The following NTRK3 variants were observed in gnomAD, a reference collection of about 807,000 sequenced individuals.
NTRK3 encodes NT-3 growth factor receptor.
Under a neutral mutation model 91.7 loss-of-function variants are expected in NTRK3, and 24 were observed. The ratio of observed to expected loss-of-function variants is 0.26; its 90% CI spans 0.19 to 0.37. The LOEUF is 0.37. Ranked by LOEUF, NTRK3 falls within the 10% of genes least tolerant of loss-of-function variation. NTRK3 has a pLI of 1.00. For synonymous variants in NTRK3, 483 were observed against 404.0 expected (o/e 1.20, Z -2.34); for missense variants, 880 against 1,068.9 (o/e 0.82, Z 2.46).
At chr15:88,134,949 G>A (rs1197465251) in intron 10 of NTRK3, 152 bp downstream of exon 10, 11 of 908,506 alleles carry the variant, frequency 1.2e-5, no homozygotes, top group East Asian at 5.2e-5. Context: ...TACCAGATGC[G>A]GCTGGTGGTT....
At chr15:87,890,774 G>C (rs1195811236) in intron 17 of NTRK3, among the ~76,000 whole-genome samples, 4 of 152,040 alleles carry the variant, frequency 2.6e-5, no homozygotes, top group Non-Finnish European at 5.9e-5. Context: ...GGCTCATCTT[G>C]TATATTTCCC....
intron 13 of NTRK3, among the ~76,000 whole-genome samples, chr15:88,120,092 A>G (rs1214807496): frequency 1.3e-5 from 2 of 152,200 alleles, no homozygotes; most frequent in African/African-American, 2.4e-5. Context: ...AACCCTTCTC[A>G]GTCCAATGCC....
At chr15:88,141,921 G>C (rs907195244) in intron 6 of NTRK3, among the ~76,000 whole-genome samples, 3 of 152,222 alleles carry the variant, frequency 2.0e-5, no homozygotes, top group African/African-American at 7.2e-5. Flanking sequence ...CTTGAAACCT[G>C]GTCCTTTGTT....
intron 14 of NTRK3, among the ~76,000 whole-genome samples, chr15:87,975,054 A>C (rs2073606593): frequency 6.6e-6 from 1 of 152,168 alleles, no homozygotes; most frequent in Non-Finnish European, 1.5e-5. Context: ...CTAGTTATTC[A>C]ATCTTTCTGA....
intron 13 of NTRK3, among the ~76,000 whole-genome samples, chr15:88,050,621 G>C (rs2080739801): frequency 6.6e-6 from 1 of 151,972 alleles, no homozygotes; most frequent in African/African-American, 2.4e-5. Context: ...CAGGGATCAG[G>C]CTATGCTTTC....
At chr15:88,250,588 C>A (rs2053248211) in intron 3 of NTRK3, among the ~76,000 whole-genome samples, 1 of 152,110 alleles carries the variant, frequency 6.6e-6, no homozygotes. Context: ...GAACTGAGAT[C>A]CTCCACCCCA....
At chr15:88,147,391 A>G (rs1280885575) in exon 6 of NTRK3, 1 of 1,613,872 alleles carries the variant, frequency 6.2e-7, no homozygotes, top group African/African-American at 1.3e-5. Flanking sequence ...TGAGCCGGTT[A>G]CTTGACAGGT....
intron 3 of NTRK3, among the ~76,000 whole-genome samples, chr15:88,251,814 A>G (rs2053413653): frequency 6.6e-6 from 1 of 152,228 alleles, no homozygotes; most frequent in African/African-American, 2.4e-5. Context: ...GACCCTAAGG[A>G]ACCTTCCAGG....
chr15:88,004,381 C>T (rs533944549), intron 14 of NTRK3, among the ~76,000 whole-genome samples: 51 of 152,234 alleles, frequency 3.4e-4, no homozygotes, highest in African/African-American at 1.2e-3. Flanking sequence ...ATCAGAAAAA[C>T]GGGCAGATAA....
At chr15:87,990,984 G>A (rs534868381) in intron 14 of NTRK3, among the ~76,000 whole-genome samples, 9 of 152,094 alleles carry the variant, frequency 5.9e-5, no homozygotes, top group Non-Finnish European at 1.0e-4. Flanking sequence ...CATAATCCAA[G>A]TTCTAATCCT....
intron 3 of NTRK3, among the ~76,000 whole-genome samples, chr15:88,229,284 T>C (rs571900722): frequency 6.6e-5 from 10 of 152,294 alleles, no homozygotes; most frequent in Admixed American, 2.0e-4. Context: ...GAACTAAAGC[T>C]TGAAGAGGTT....
intron 14 of NTRK3, among the ~76,000 whole-genome samples, chr15:88,031,277 T>C (rs1340594308): frequency 6.6e-6 from 1 of 152,180 alleles, no homozygotes. Context: ...AGAACACAAC[T>C]GATACAGATA....
At chr15:88,175,389 G>A (rs970158149) in intron 5 of NTRK3, among the ~76,000 whole-genome samples, 1 of 152,142 alleles carries the variant, frequency 6.6e-6, no homozygotes, top group Admixed American at 6.5e-5. Flanking sequence ...GATAGAGAGA[G>A]AGAGAGAGAG....
intron 15 of NTRK3, among the ~76,000 whole-genome samples, chr15:87,933,981 G>T (rs566670438): frequency 6.6e-6 from 1 of 152,306 alleles, no homozygotes; most frequent in South Asian, 2.1e-4. Context: ...TGCAAACCAG[G>T]CCACTTCCTG....
chr15:87,888,379 T>C lies in NTRK3; in HGVS notation c.2134-7951A>G, dbSNP rs78273243. 1.1e-3 allele frequency among the ~76,000 whole-genome samples: 170 copies of C among 152,286 alleles called. No homozygotes were observed. In the East Asian group the frequency reaches 0.03, roughly 27 times the overall value. ...CAGATGGGTTCTGAATGATTCCAGATTTTGTGTAGAGAGACAAGAGGTACC... is the reference window on the plus strand; with the variant it reads ...CAGATGGGTTCTGAATGATTCCAGACTTTGTGTAGAGAGACAAGAGGTACC... On this transcript the variant is annotated intron_variant, in intron 17 of 18. Coordinates refer to ENST00000394480, the Ensembl canonical transcript of NTRK3.
At chr15:88,174,638 G>A (rs1332015444) in intron 5 of NTRK3, among the ~76,000 whole-genome samples, 1 of 152,242 alleles carries the variant, frequency 6.6e-6, no homozygotes, top group Non-Finnish European at 1.5e-5. Flanking sequence ...AACAGCTCTA[G>A]CAGAAAGTCC....
chr15:88,060,053 T>C (rs369163846), intron 13 of NTRK3, among the ~76,000 whole-genome samples: 84 of 152,216 alleles, frequency 5.5e-4, no homozygotes, highest in African/African-American at 1.8e-3. Context: ...GGAAGCCTCC[T>C]CACGGAGGTG....
At chr15:87,928,832 G>A (rs1367970971) in intron 17 of NTRK3, 2 of 439,952 alleles carry the variant, frequency 4.5e-6, no homozygotes, top group African/African-American at 2.0e-5. Flanking sequence ...GACATTAAAT[G>A]TAGTATCAAG....
chr15:88,046,354 G>A (rs1236177198), intron 13 of NTRK3, among the ~76,000 whole-genome samples: 5 of 152,112 alleles, frequency 3.3e-5, no homozygotes, highest in African/African-American at 1.2e-4. Context: ...TCTGAGCTAG[G>A]GACTAGAAAA....
Sources: allele counts gnomAD v4.1 joint callset (sites outside exome capture counted in the v4.1 genomes callset), GRCh38; gene constraint gnomAD v4.1.1; transcripts MANE v1.5; gene names NCBI Gene and HGNC (gene_info 2026-07-23, HGNC 2026-07-21).